GALNT18: variants seen among roughly 807,000 people sequenced by gnomAD.
GALNT18 encodes polypeptide N-acetylgalactosaminyltransferase 18, also known as GalNAc-transferase 18.
GALNT18 carries 44 observed loss-of-function variants against 69.5 expected under a neutral mutation model. The ratio of observed to expected loss-of-function variants is 0.63; its 90% CI spans 0.50 to 0.81. The LOEUF is 0.81. Ranked by LOEUF, GALNT18 falls within the 40% of genes least tolerant of loss-of-function variation. GALNT18 has a pLI of 0.00. For missense variants in GALNT18, 715 were observed against 810.0 expected, an observed-to-expected ratio of 0.88 and a Z score of 1.42; for synonymous variants, 364 against 318.2, an observed-to-expected ratio of 1.14 and a Z score of -1.53.
At chr11:11,373,718 A>G (rs1053970319) in intron 5 of GALNT18, among the ~76,000 whole-genome samples, 22 of 152,250 alleles carry the variant, frequency 1.4e-4, no homozygotes, top group Non-Finnish European at 2.5e-4. Context: ...GAAGACACCC[A>G]GTGCAGCACC....
At chr11:11,491,861 C>G (rs1015309588) in intron 1 of GALNT18, among the ~76,000 whole-genome samples, 4 of 152,136 alleles carry the variant, frequency 2.6e-5, no homozygotes, top group Non-Finnish European at 5.9e-5. Flanking sequence ...AAGACAATCT[C>G]ACTTGGCATC....
chr11:11,615,121 C>T (rs1860013314), intron 1 of GALNT18, among the ~76,000 whole-genome samples: 1 of 152,220 alleles, frequency 6.6e-6, no homozygotes, highest in African/African-American at 2.4e-5. Flanking sequence ...TTAAATGACA[C>T]TCTTTCCTCA....
chr11:11,414,994 C>T (rs897592425), intron 3 of GALNT18, among the ~76,000 whole-genome samples: 4 of 152,192 alleles, frequency 2.6e-5, no homozygotes, highest in South Asian at 2.1e-4. Flanking sequence ...TGGCACAATT[C>T]GTTTCCTCGC....
At chr11:11,286,723 C>T (rs1458271102) in intron 10 of GALNT18, among the ~76,000 whole-genome samples, 1 of 152,138 alleles carries the variant, frequency 6.6e-6, no homozygotes, top group African/African-American at 2.4e-5. Context: ...AAGTGTGAGA[C>T]ACAGTCCTGC....
At chr11:11,400,852 G>T (rs1854445852) in intron 3 of GALNT18, among the ~76,000 whole-genome samples, 1 of 152,146 alleles carries the variant, frequency 6.6e-6, no homozygotes, top group South Asian at 2.1e-4. Context: ...TCCATTTGCT[G>T]CCAATCTCTT....
chr11:11,548,752 A>G (rs1022516091), intron 1 of GALNT18, among the ~76,000 whole-genome samples: 2 of 152,262 alleles, frequency 1.3e-5, no homozygotes, highest in Non-Finnish European at 2.9e-5. Context: ...TTGCAGGCTA[A>G]AAGTTTCTTA....
chr11:11,432,586 G>A lies in GALNT18; in HGVS notation c.595+35C>T. On this transcript the variant is annotated intron_variant, in intron 3 of 10. Transcript: ENST00000227756. This position sits in a 1 kb window ranked among gnomAD's most constrained non-coding sequence, Gnocchi z 5.8. The stretch of plus-strand genomic sequence containing the variant: ...CATCAGCTTAGATGTCAGCCAGGAA[G>A]TAGGGCCTGGGCCCTGGGAAGCTCC... 1 of 1,571,506 alleles carries A rather than the reference G, an allele frequency of 6.4e-7. No individual in the cohort carries two copies. Among genetic ancestry groups the A allele is most frequent in the South Asian group, 1.2e-5 (1 of 86,048 alleles).
rs566641893 is a variant in GALNT18 at position 11,542,751 on chromosome 11, T to G, written c.235+78608A>C. Among the ~76,000 whole-genome samples the G allele has an allele frequency of 6.6e-6, 1 of 152,374 alleles. No homozygotes were observed. Among genetic ancestry groups the G allele is most frequent in the Admixed American group, 6.5e-5 (1 of 15,308 alleles). On this transcript the variant is annotated intron_variant, in intron 1 of 10. Coordinates refer to ENST00000227756, the MANE Select transcript of GALNT18 (RefSeq NM_198516.3). This position sits in a 1 kb window ranked among gnomAD's most constrained non-coding sequence, Gnocchi z 4.3. The stretch of plus-strand genomic sequence containing the variant: ...TTCAGTTTGCCTTTGAGTTCCTTTA[T>G]AGTCTAAGAGCCCCTTTCTTCATTA...
At chr11:11,539,178 G>A (rs1857851877) in intron 1 of GALNT18, among the ~76,000 whole-genome samples, 1 of 152,220 alleles carries the variant, frequency 6.6e-6, no homozygotes. Flanking sequence ...CCTCAGATCT[G>A]ATATCCAAGG....
chr11:11,564,936 G>C lies in GALNT18; in HGVS notation c.235+56423C>G, dbSNP rs1858606279. ...CTCCCCACAGAATGCTTGCTCTATT[G>C]GACAGCCCTGATCTAGACCCTAACC... On this transcript the variant is annotated intron_variant, in intron 1 of 10. Coordinates refer to ENST00000227756, the MANE Select transcript of GALNT18 (RefSeq NM_198516.3). This position sits in a 1 kb window ranked among gnomAD's most constrained non-coding sequence, Gnocchi z 4.3. Among the ~76,000 whole-genome samples, 1 of 152,134 alleles carries C rather than the reference G, an allele frequency of 6.6e-6. No homozygotes were observed. Among genetic ancestry groups the C allele is most frequent in the Non-Finnish European group, 1.5e-5 (1 of 68,020 alleles).
intron 1 of GALNT18, among the ~76,000 whole-genome samples, chr11:11,534,067 G>A (rs1020793314): frequency 2.0e-5 from 3 of 152,240 alleles, no homozygotes; most frequent in African/African-American, 7.2e-5. Flanking sequence ...TCACAGATCA[G>A]GAAACTGAGG....
At chr11:11,299,432 A>G (rs1849456196) in intron 9 of GALNT18, among the ~76,000 whole-genome samples, 2 of 152,186 alleles carry the variant, frequency 1.3e-5, no homozygotes, top group Admixed American at 1.3e-4. Flanking sequence ...AGGCACAGCC[A>G]CTGTGCCTGG....
intron 1 of GALNT18, among the ~76,000 whole-genome samples, chr11:11,609,458 G>T (rs551276375): frequency 4.1e-4 from 62 of 152,292 alleles, no homozygotes; most frequent in African/African-American, 1.3e-3. Flanking sequence ...TTATAGCAGA[G>T]CCCCTGACCA....
rs1035766913 is a variant in GALNT18 at position 11,341,980 on chromosome 11, T to A, written c.1093-976A>T. 6.9e-6 allele frequency among the ~76,000 whole-genome samples: 1 copy of A among 145,656 alleles called. No individual in the cohort carries two copies. The highest frequency in any genetic ancestry group is 1.5e-5 in the Non-Finnish European group (1 of 65,270). ...CTAAAACATTAAAATTTTTTTTTTT[T>A]TAAAAAGACCTTGACTATATGGCCC... On this transcript the variant is annotated intron_variant, in intron 6 of 10. Transcript: ENST00000227756. This position sits in a 1 kb window ranked among gnomAD's most constrained non-coding sequence, Gnocchi z 6.3.
intron 6 of GALNT18, among the ~76,000 whole-genome samples, chr11:11,359,770 T>C (rs576457589): frequency 6.6e-5 from 10 of 152,348 alleles, no homozygotes; most frequent in African/African-American, 2.2e-4. Context: ...CATCAGTGAT[T>C]TTAAACCCCG....
In GALNT18 at chr11:11,497,474, A is replaced by G. The variant is rs1856890119; in HGVS notation, c.236-48538T>C. Among the ~76,000 whole-genome samples the G allele has an allele frequency of 6.6e-6, 1 of 151,338 alleles. No homozygotes were observed. Among genetic ancestry groups the G allele is most frequent in the African/African-American group, 2.4e-5 (1 of 41,294 alleles). ...GCAGGGCCTGTTCACCTGCACCTCCAGAACCTGGAACAGTGTTAGGCACAA... is the reference window on the plus strand; with the variant it reads ...GCAGGGCCTGTTCACCTGCACCTCCGGAACCTGGAACAGTGTTAGGCACAA... On this transcript the variant is annotated intron_variant, in intron 1 of 10. Coordinates refer to ENST00000227756, the MANE Select transcript of GALNT18 (RefSeq NM_198516.3). The surrounding 1 kb of genome is among the most constrained non-coding windows in gnomAD (Gnocchi z 4.2).
rs116829258 is a variant in GALNT18, at chr11:11,604,408, C to T, written c.235+16951G>A. Among the ~76,000 whole-genome samples, 2,909 of 152,264 alleles carry T rather than the reference C, an allele frequency of 0.019. 50 individuals carry two copies. The highest frequency in any genetic ancestry group is 0.046 in the African/African-American group (1,895 of 41,542). On this transcript the variant is annotated intron_variant, in intron 1 of 10. Coordinates refer to ENST00000227756, the MANE Select transcript of GALNT18 (RefSeq NM_198516.3). This position sits in a 1 kb window ranked among gnomAD's most constrained non-coding sequence, Gnocchi z 5.6. ...AGGCTCACTATTCAGGTAGCCCATTCCTGATCCCACACTGCTGGAGAGTGG... is the reference window on the plus strand; with the variant it reads ...AGGCTCACTATTCAGGTAGCCCATTTCTGATCCCACACTGCTGGAGAGTGG...
chr11:11,581,865 T>C (rs540335523), intron 1 of GALNT18, among the ~76,000 whole-genome samples: 30 of 152,128 alleles, frequency 2.0e-4, no homozygotes, highest in Non-Finnish European at 2.5e-4. Flanking sequence ...GACCCACAGG[T>C]GACCAGCCAT....
At chr11:11,411,858 C>T (rs968667763) in intron 3 of GALNT18, among the ~76,000 whole-genome samples, 2 of 152,180 alleles carry the variant, frequency 1.3e-5, no homozygotes, top group Admixed American at 6.5e-5. Flanking sequence ...GGGCATAAAG[C>T]GCATCTCAGA....
Sources: allele counts gnomAD v4.1 joint callset (sites outside exome capture counted in the v4.1 genomes callset), GRCh38; gene constraint gnomAD v4.1.1; non-coding constraint Gnocchi (gnomAD v3.1); transcripts MANE v1.5; gene names NCBI Gene and HGNC (gene_info 2026-07-23, HGNC 2026-07-21).